AOPEP: variants seen among roughly 807,000 people sequenced by gnomAD.
AOPEP encodes aminopeptidase O.
Under a neutral mutation model 98.1 loss-of-function variants are expected in AOPEP, and 77 were observed. The observed-to-expected ratio is 0.78, with a 90% CI of 0.65 to 0.95. AOPEP has a LOEUF of 0.95. Among genes scored for constraint, AOPEP ranks in the 40% least tolerant of loss-of-function variants. The pLI is 0.00. For missense variants in AOPEP, 1,024 were observed against 1,024.7 expected (o/e 1.00, Z 0.01); for synonymous variants, 346 against 365.3 (o/e 0.95, Z 0.60).
chr9:94,834,788 C>T (rs1359170588), intron 5 of AOPEP, among the ~76,000 whole-genome samples: 1 of 148,632 alleles, frequency 6.7e-6, no homozygotes, highest in African/African-American at 2.5e-5. Context: ...GCGAGACTGT[C>T]TCTAAATGCA....
chr9:94,893,299 T>A (rs2049082687), intron 5 of AOPEP, among the ~76,000 whole-genome samples: 1 of 152,016 alleles, frequency 6.6e-6, no homozygotes. Flanking sequence ...ACCGGGAAGA[T>A]AAAGACACAG....
At chr9:94,768,141 G>A (rs1031924506) in intron 2 of AOPEP, among the ~76,000 whole-genome samples, 1 of 152,154 alleles carries the variant, frequency 6.6e-6, no homozygotes, top group Non-Finnish European at 1.5e-5. Flanking sequence ...ACTTATAAAA[G>A]ATTCTGACCC....
At chr9:94,985,262 T>C (rs1004103284) in intron 11 of AOPEP, among the ~76,000 whole-genome samples, 7 of 152,248 alleles carry the variant, frequency 4.6e-5, no homozygotes, top group African/African-American at 1.4e-4. Flanking sequence ...CAACAGGTTA[T>C]TTTGTCATCT....
At chr9:95,026,601 C>T (rs1313587158) in intron 13 of AOPEP, among the ~76,000 whole-genome samples, 4 of 152,154 alleles carry the variant, frequency 2.6e-5, no homozygotes, top group Non-Finnish European at 4.4e-5. Flanking sequence ...CCAGTTGATG[C>T]ACATTTGGGT....
chr9:95,115,388 A>C, the AOPEP span, among the ~76,000 whole-genome samples: 1 of 152,206 alleles, frequency 6.6e-6, no homozygotes, highest in Non-Finnish European at 1.5e-5. Context: ...GTTGATTTCA[A>C]AATAGACGGA....
At chr9:95,087,382 C>G (rs1048016980), downstream of AOPEP, among the ~76,000 whole-genome samples, 28 of 140,166 alleles carry the variant, frequency 2.0e-4, no homozygotes, top group African/African-American at 7.2e-4. Context: ...ACTCGGGAGA[C>G]TGAGGCAGGA....
At chr9:94,945,735 G>T (rs2057544996) in intron 7 of AOPEP, among the ~76,000 whole-genome samples, 2 of 152,182 alleles carry the variant, frequency 1.3e-5, no homozygotes, top group Non-Finnish European at 2.9e-5. Context: ...TGCACATGCT[G>T]TTGGTGTTCA....
intron 10 of AOPEP, 83 bp from the exon 11 acceptor site, chr9:94,979,284 T>C: frequency 2.3e-6 from 2 of 851,716 alleles, no homozygotes; most frequent in Non-Finnish European, 3.9e-6. Flanking sequence ...TGCTGTGATG[T>C]ACCCAGTTAG....
At chr9:94,788,347 A>G (rs546098556) in intron 3 of AOPEP, among the ~76,000 whole-genome samples, 3 of 152,294 alleles carry the variant, frequency 2.0e-5, no homozygotes, top group Non-Finnish European at 2.9e-5. Context: ...CCAAAGTGCT[A>G]GGATCACACC....
intron 5 of AOPEP, among the ~76,000 whole-genome samples, chr9:94,914,415 A>C (rs1433847608): frequency 6.6e-6 from 1 of 152,192 alleles, no homozygotes; most frequent in African/African-American, 2.4e-5. Context: ...CTCGGATTTC[A>C]CCAGGATGAA....
intron 1 of AOPEP, among the ~76,000 whole-genome samples, chr9:94,735,212 T>C (rs12236906): frequency 0.014 from 2,151 of 152,312 alleles, 48 homozygotes; most frequent in East Asian, 0.089. Context: ...TCCTTGCATG[T>C]CCAAGAATCT....
chr9:94,810,663 G>A (rs1204266801), intron 5 of AOPEP, among the ~76,000 whole-genome samples: 2 of 152,028 alleles, frequency 1.3e-5, no homozygotes. Flanking sequence ...ATTCAGTTTC[G>A]TTCAGCAATT....
chr9:94,901,894 G>A (rs1236944299), intron 5 of AOPEP, among the ~76,000 whole-genome samples: 5 of 152,170 alleles, frequency 3.3e-5, no homozygotes, highest in Non-Finnish European at 7.3e-5. Context: ...GGGTGACAGA[G>A]TGAGACTGTG....
chr9:94,820,190 C>T (rs1323641160), intron 5 of AOPEP, among the ~76,000 whole-genome samples: 1 of 152,102 alleles, frequency 6.6e-6, no homozygotes, highest in African/African-American at 2.4e-5. Flanking sequence ...AGGTGATCTG[C>T]CTGCCTTGGC....
At position 94,973,831 on chromosome 9, in the gene AOPEP, C is replaced by G. The variant is rs1430622949; in HGVS notation, c.1917-5536C>G. 2.6e-5 allele frequency among the ~76,000 whole-genome samples: 4 copies of G among 152,196 alleles called. 1 individual carries two copies. The highest frequency in any genetic ancestry group is 1.5e-5 in the Non-Finnish European group (1 of 68,042). Reference sequence around the variant, plus strand: ...ATTTCCTGTAAGTTCTAGGTCCTGGCTAAGTGGAAATGCTTCTGCTTGTCT... The same window carrying G: ...ATTTCCTGTAAGTTCTAGGTCCTGGGTAAGTGGAAATGCTTCTGCTTGTCT... On this transcript the variant is annotated intron_variant, in intron 10 of 16. Transcript: ENST00000375315.
At chr9:94,968,920 C>G (rs893918254) in intron 10 of AOPEP, among the ~76,000 whole-genome samples, 4 of 152,090 alleles carry the variant, frequency 2.6e-5, no homozygotes, top group African/African-American at 9.7e-5. Flanking sequence ...TGAAGTTGAG[C>G]ACATACAGAC....
At chr9:95,100,910 G>T in the AOPEP span, 1 of 232,922 alleles carries the variant, frequency 4.3e-6, no homozygotes, top group Non-Finnish European at 8.5e-6. Flanking sequence ...GATCACAGGT[G>T]TGAGCCACTG....
intron 5 of AOPEP, among the ~76,000 whole-genome samples, chr9:94,830,273 A>T (rs1855658767): frequency 6.6e-6 from 1 of 152,322 alleles, no homozygotes; most frequent in Admixed American, 6.5e-5. Context: ...ACTTTCACTT[A>T]TAAGTGAGAA....
chr9:94,845,877 C>A (rs927950102), intron 5 of AOPEP, among the ~76,000 whole-genome samples: 3 of 151,958 alleles, frequency 2.0e-5, no homozygotes, highest in Non-Finnish European at 4.4e-5. Flanking sequence ...GGTGGATCAC[C>A]TGAGGTCAGG....
Sources: allele counts gnomAD v4.1 joint callset (sites outside exome capture counted in the v4.1 genomes callset), GRCh38; gene constraint gnomAD v4.1.1; transcripts MANE v1.5; gene names NCBI Gene and HGNC (gene_info 2026-07-23, HGNC 2026-07-21).